VAV2: variants seen among roughly 807,000 people sequenced by gnomAD.
The protein encoded by VAV2 is guanine nucleotide exchange factor VAV2.
VAV2 carries 67 observed loss-of-function variants against 132.5 expected under a neutral mutation model. That is an observed-to-expected ratio of 0.51 (90% CI 0.42 to 0.62). The LOEUF is 0.62. Ranked by LOEUF, VAV2 falls within the 20% of genes least tolerant of loss-of-function variation. VAV2 has a pLI of 0.00. For missense variants in VAV2, 938 were observed against 1,153.6 expected, an observed-to-expected ratio of 0.81 and a Z score of 2.71; for synonymous variants, 492 against 443.5, an observed-to-expected ratio of 1.11 and a Z score of -1.37.
At position 133,763,720 on chromosome 9, in the gene VAV2, A is replaced by C; in HGVS notation, c.*342T>G. On this transcript the variant is annotated 3_prime_UTR_variant, in exon 30 of 30. Transcript: ENST00000371850. The surrounding 1 kb of genome is among the most constrained non-coding windows in gnomAD (Gnocchi z 6.8). ...CTGCTGTTCAAACCTAGGCTCCTGA[A>C]GGCCATCTCAGTTGGACAGGGGCAG... is the stretch of plus-strand genomic sequence containing the variant. The C allele has an allele frequency of 3.0e-6, 1 of 329,690 alleles. No homozygotes were observed. The highest frequency in any genetic ancestry group is 3.5e-5 in the South Asian group (1 of 28,444). The allele number at this position is 329,690 out of a possible 1,614,324, so 20.4% of individuals were successfully genotyped here. A position where few individuals can be genotyped will look rare whatever the true frequency, so the allele number is the denominator to read the frequency against.
intron 2 of VAV2, among the ~76,000 whole-genome samples, chr9:133,900,910 T>G (rs1481205638): frequency 2.0e-5 from 3 of 151,962 alleles, no homozygotes; most frequent in South Asian, 4.2e-4. Flanking sequence ...GCAATTCTCC[T>G]GTCTCAGCTC....
In VAV2 at chr9:133,772,979, G is replaced by A. The variant is rs1290937854; in HGVS notation, c.2136-933C>T. On this transcript the variant is annotated intron_variant, in intron 25 of 29. Transcript: ENST00000371850. ...AGCCTACTGCACGCCCCACAACTAG[G>A]CTGGACGGCAGAGCCTACTGCACAC... 5.7e-4 allele frequency among the ~76,000 whole-genome samples: 68 copies of A among 119,188 alleles called. 3 individuals are homozygous for A. The highest frequency in any genetic ancestry group is 1.9e-3 in the African/African-American group (63 of 33,020). The allele number at this position is 119,188 out of a possible 152,430, so 78.2% of individuals were successfully genotyped here.
intron 2 of VAV2, among the ~76,000 whole-genome samples, chr9:133,890,752 C>G (rs756472559): frequency 2.6e-5 from 4 of 152,140 alleles, no homozygotes; most frequent in Non-Finnish European, 5.9e-5. Context: ...GGAACACGGA[C>G]GAGATGGCAG....
chr9:133,775,890 T>A, intron 24 of VAV2, 138 bp downstream of exon 24: 1 of 1,184,852 alleles, frequency 8.4e-7, no homozygotes, highest in Non-Finnish European at 1.1e-6. Context: ...CTGGGCTCAG[T>A]GCCCTGGAGA....
At chr9:133,793,619 C>A (rs140944124) in intron 12 of VAV2, among the ~76,000 whole-genome samples, 634 of 152,314 alleles carry the variant, frequency 4.2e-3, no homozygotes, top group Non-Finnish European at 6.3e-3. Context: ...CTGCGTGCAC[C>A]TGGCCCAATG....
chr9:133,773,581 C>T (rs1243383135), intron 25 of VAV2, among the ~76,000 whole-genome samples: 1 of 151,668 alleles, frequency 6.6e-6, no homozygotes, highest in Non-Finnish European at 1.5e-5. Context: ...AAAACACAAA[C>T]ATATTACACA....
chr9:133,918,033 C>T lies in VAV2; in HGVS notation c.321+21070G>A, dbSNP rs1840162771. ...CTTCCACAGGAGGTCAGCAATTTCT[C>T]ATTTCCCTGCTTCACCAACTCCATT... On this transcript the variant is annotated intron_variant, in intron 2 of 29. Coordinates refer to ENST00000371850, the MANE Select transcript of VAV2 (RefSeq NM_001134398.2). This position sits in a 1 kb window ranked among gnomAD's most constrained non-coding sequence, Gnocchi z 4.7. Among the ~76,000 whole-genome samples the T allele has an allele frequency of 6.6e-6, 1 of 151,984 alleles. No individual in the cohort carries two copies. Among genetic ancestry groups the T allele is most frequent in the African/African-American group, 2.4e-5 (1 of 41,376 alleles).
chr9:133,767,310 A>T (rs1833469915), intron 29 of VAV2, among the ~76,000 whole-genome samples: 1 of 152,210 alleles, frequency 6.6e-6, no homozygotes, highest in Non-Finnish European at 1.5e-5. Context: ...ATCCCAAGAA[A>T]GCTGGTGTCA....
At chr9:133,785,272 C>T (rs2131602937) in intron 17 of VAV2, among the ~76,000 whole-genome samples, 1 of 152,364 alleles carries the variant, frequency 6.6e-6, no homozygotes, top group African/African-American at 2.4e-5. Flanking sequence ...GCTGGCCCTC[C>T]AGGGTCCGTG....
chr9:133,819,882 G>T (rs1184123136), intron 4 of VAV2, among the ~76,000 whole-genome samples: 1 of 152,180 alleles, frequency 6.6e-6, no homozygotes. Context: ...GAACGGTAAA[G>T]AAGTGGTTTT....
At chr9:133,852,867 C>A (rs1303544479) in intron 3 of VAV2, among the ~76,000 whole-genome samples, 1 of 152,114 alleles carries the variant, frequency 6.6e-6, no homozygotes, top group African/African-American at 2.4e-5. Flanking sequence ...CCCTGCTGAC[C>A]CATTGGGCCC....
At chr9:133,847,376 C>T (rs1342699749) in intron 3 of VAV2, among the ~76,000 whole-genome samples, 2 of 152,348 alleles carry the variant, frequency 1.3e-5, no homozygotes, top group East Asian at 1.9e-4. Flanking sequence ...GCCCCACCTC[C>T]GGGAGGGCTG....
chr9:133,881,453 A>G (rs1838493428), intron 2 of VAV2, among the ~76,000 whole-genome samples: 1 of 152,216 alleles, frequency 6.6e-6, no homozygotes, highest in Non-Finnish European at 1.5e-5. Context: ...TGAAGGCTGC[A>G]AAGGAGTCTC....
At chr9:133,847,346 A>G (rs1473396815) in intron 3 of VAV2, among the ~76,000 whole-genome samples, 1 of 152,174 alleles carries the variant, frequency 6.6e-6, no homozygotes, top group African/African-American at 2.4e-5. Context: ...GGGACCTTGC[A>G]CCGCGCCTCA....
chr9:133,968,814 T>C (rs1348805999), intron 1 of VAV2, among the ~76,000 whole-genome samples: 2 of 151,986 alleles, frequency 1.3e-5, no homozygotes, highest in African/African-American at 4.8e-5. Context: ...ATCTGGAGGG[T>C]GTCTCGAGAC....
chr9:133,927,237 G>C (rs952690924), intron 2 of VAV2, among the ~76,000 whole-genome samples: 1 of 152,166 alleles, frequency 6.6e-6, no homozygotes, highest in Non-Finnish European at 1.5e-5. Flanking sequence ...ATGTACCCAT[G>C]CTCTCATACC....
chr9:133,775,821 G>T (rs1833790139), intron 24 of VAV2, among the ~76,000 whole-genome samples: 1 of 152,252 alleles, frequency 6.6e-6, no homozygotes, highest in Non-Finnish European at 1.5e-5. Context: ...TACAGGAGAA[G>T]GACTCCCCCA....
intron 1 of VAV2, among the ~76,000 whole-genome samples, chr9:133,979,153 CTCCA>C (rs1048522003): frequency 1.3e-5 from 2 of 152,214 alleles, no homozygotes; most frequent in Non-Finnish European, 2.9e-5. Context: ...GAGCTCATGG[CTCCA>C]CCCTGCAGGG....
chr9:133,979,214 G>A (rs772041619), intron 1 of VAV2, among the ~76,000 whole-genome samples: 2 of 152,224 alleles, frequency 1.3e-5, no homozygotes, highest in Non-Finnish European at 2.9e-5. Flanking sequence ...CAGGCACCGG[G>A]CTGACAGCCG....
Sources: allele counts gnomAD v4.1 joint callset (sites outside exome capture counted in the v4.1 genomes callset), GRCh38; gene constraint gnomAD v4.1.1; non-coding constraint Gnocchi (gnomAD v3.1); transcripts MANE v1.5; gene names NCBI Gene and HGNC (gene_info 2026-07-23, HGNC 2026-07-21).